The following LRIG1 variants were observed in gnomAD, a reference collection of about 807,000 sequenced individuals.
The protein encoded by LRIG1 is leucine rich repeats and immunoglobulin like domains 1, also known as leucine-rich repeats and immunoglobulin-like domains protein 1.
Under a neutral mutation model 99.2 loss-of-function variants are expected in LRIG1, and 48 were observed. That is an observed-to-expected ratio of 0.48 (90% CI 0.38 to 0.62). The LOEUF is 0.62. LRIG1 is among the 20% of genes least tolerant of loss of function. The pLI is 0.00. For missense variants in LRIG1, 1,646 were observed against 1,434.4 expected (o/e 1.15, Z -2.38); for synonymous variants, 772 against 596.1 (o/e 1.29, Z -4.30).
intron 3 of LRIG1, among the ~76,000 whole-genome samples, chr3:66,425,790 G>A (rs1252831834): frequency 6.6e-6 from 1 of 152,200 alleles, no homozygotes; most frequent in East Asian, 1.9e-4. Flanking sequence ...CTGGAGCGAG[G>A]AGAACTTAAT....
In LRIG1 at chr3:66,380,054, T is replaced by G. The variant is rs1344879057; in HGVS notation, c.*209A>C. ...AATCTCTGAAAACTCTTATGTACAA[T>G]GATATCAAATACTTTTTTTGCCTTT... On this transcript the variant is annotated 3_prime_UTR_variant, in exon 19 of 19. Coordinates refer to ENST00000273261, the MANE Select transcript of LRIG1 (RefSeq NM_015541.3). The G allele has an allele frequency of 8.2e-6, 4 of 486,612 alleles. No homozygotes were observed. The highest frequency in any genetic ancestry group is 1.5e-5 in the Non-Finnish European group (4 of 274,320). The allele number at this position is 486,612 out of a possible 1,614,324, so 30.1% of individuals were successfully genotyped here.
intron 1 of LRIG1, among the ~76,000 whole-genome samples, chr3:66,496,551 C>G (rs1484793156): frequency 1.3e-5 from 2 of 152,234 alleles, no homozygotes; most frequent in African/African-American, 4.8e-5. Context: ...CCCTGAAACT[C>G]TAAGAGCACT....
At chr3:66,405,555 A>G (rs900845272) in intron 8 of LRIG1, among the ~76,000 whole-genome samples, 5 of 152,224 alleles carry the variant, frequency 3.3e-5, no homozygotes, top group African/African-American at 9.6e-5. Flanking sequence ...GAGGTGGTGC[A>G]GACAGCCCAG....
intron 3 of LRIG1, among the ~76,000 whole-genome samples, chr3:66,428,810 C>T (rs943050602): frequency 6.6e-6 from 1 of 152,242 alleles, no homozygotes; most frequent in African/African-American, 2.4e-5. Flanking sequence ...ACAGCCCAGC[C>T]TGGGTTATTT....
At chr3:66,452,526 TG>T (rs929142373) in intron 2 of LRIG1, among the ~76,000 whole-genome samples, 1 of 152,172 alleles carries the variant, frequency 6.6e-6, no homozygotes, top group Admixed American at 6.5e-5. Context: ...TGCCAGGTGA[TG>T]GGCTAGAAAG....
chr3:66,398,717 G>C (rs371083017), intron 10 of LRIG1, among the ~76,000 whole-genome samples: 3 of 152,242 alleles, frequency 2.0e-5, no homozygotes, highest in South Asian at 2.1e-4. Flanking sequence ...CGCAGCAGGA[G>C]GGGGGAGGGT....
intron 5 of LRIG1, 64 bp downstream of exon 5, chr3:66,414,856 T>G: frequency 6.9e-7 from 1 of 1,454,166 alleles, no homozygotes; most frequent in Non-Finnish European, 9.2e-7. Context: ...ACGAGGTCCT[T>G]GGGGAAATCT....
At chr3:66,451,109 G>A (rs74914683) in intron 3 of LRIG1, among the ~76,000 whole-genome samples, 226 of 152,146 alleles carry the variant, frequency 1.5e-3, no homozygotes, top group Non-Finnish European at 2.0e-3. Flanking sequence ...ATAGTTTTAC[G>A]TTGATTCCAG....
intron 3 of LRIG1, among the ~76,000 whole-genome samples, chr3:66,432,168 A>C (rs1703193250): frequency 2.0e-5 from 3 of 152,232 alleles, no homozygotes. Context: ...CCAGTCCACC[A>C]GGCACAAAGG....
intron 3 of LRIG1, among the ~76,000 whole-genome samples, chr3:66,450,601 G>A (rs962451801): frequency 6.6e-5 from 10 of 152,150 alleles, no homozygotes; most frequent in East Asian, 3.9e-4. Context: ...CCAAAGATCC[G>A]AGATCTGTAA....
intron 11 of LRIG1, among the ~76,000 whole-genome samples, chr3:66,397,222 C>T (rs980977888): frequency 3.3e-5 from 5 of 152,214 alleles, no homozygotes; most frequent in Non-Finnish European, 7.3e-5. Flanking sequence ...GCTTCAGTTC[C>T]CAGCTATGGG....
rs779374908 is a variant in LRIG1 at position 66,500,396 on chromosome 3, C to A, written c.12G>T (p.Pro4=). The A allele has an allele frequency of 4.2e-6, 6 of 1,424,134 alleles. No homozygotes were observed. The highest frequency in any genetic ancestry group is 5.5e-6 in the Non-Finnish European group (6 of 1,097,010). The allele number at this position is 1,424,134 out of a possible 1,614,324, so 88.2% of individuals were successfully genotyped here. The change falls in exon 1 of 19, where the codon CCG becomes CCT. Residue 4 remains proline (P), a synonymous_variant. Transcript: ENST00000273261. MAR[P]VRGGLGAPRR... ...GCGGGGCCCCGAGCCCTCCCCGGAC[C>A]GGCCGCGCCATCTTGTCTGGAGCGC...
chr3:66,385,691 G>C (rs1441497743), intron 13 of LRIG1, among the ~76,000 whole-genome samples: 1 of 152,114 alleles, frequency 6.6e-6, no homozygotes, highest in African/African-American at 2.4e-5. Context: ...GGCTTCAAGT[G>C]ATCTGCCCAC....
At chr3:66,440,610 T>C (rs1311779701) in intron 3 of LRIG1, among the ~76,000 whole-genome samples, 2 of 152,126 alleles carry the variant, frequency 1.3e-5, no homozygotes, top group Non-Finnish European at 2.9e-5. Context: ...GGGTTCAGTG[T>C]AGACAGCAGC....
intron 3 of LRIG1, among the ~76,000 whole-genome samples, chr3:66,432,772 C>T (rs1421533282): frequency 6.6e-6 from 1 of 152,158 alleles, no homozygotes; most frequent in African/African-American, 2.4e-5. Context: ...GATAGCACCC[C>T]ATACCTCCCA....
chr3:66,381,000 C>G (rs2107915744), intron 17 of LRIG1, 139 bp from the exon 18 acceptor site: 2 of 789,296 alleles, frequency 2.5e-6, no homozygotes, highest in Non-Finnish European at 4.0e-6. Context: ...CCTCTTTTCC[C>G]CAACTATGTC....
Position 66,385,983 on chromosome 3 carries a change from T to A in LRIG1, c.1787A>T (p.Asn596Ile). 1 of 1,613,168 alleles carries A rather than the reference T, an allele frequency of 6.2e-7. No homozygotes were observed. Among genetic ancestry groups the A allele is most frequent in the Non-Finnish European group, 8.5e-7 (1 of 1,179,298 alleles). ...TAACAAAGATGGTGTTTCCATACCA[T>A]TCACGGTGAGCCTGGCCTTATGTGA... ...TYSHKARLTVNVLPSFTKTPH... is the reference protein window; with the variant it reads ...TYSHKARLTVIVLPSFTKTPH... The change falls in exon 13 of 19, where the codon AAT (asparagine) becomes ATT (isoleucine). Residue 596 changes from asparagine to isoleucine, a missense_variant and splice_region_variant. Coordinates refer to ENST00000273261, the MANE Select transcript of LRIG1 (RefSeq NM_015541.3).
intron 11 of LRIG1, 131 bp downstream of exon 11, chr3:66,397,979 ACT>A: frequency 1.5e-6 from 1 of 683,886 alleles, no homozygotes; most frequent in Non-Finnish European, 2.5e-6. Flanking sequence ...CATGACAGAG[ACT>A]CTGTGGCCCA....
chr3:66,479,263 A>G lies in LRIG1; in HGVS notation c.219-16754T>C, dbSNP rs150064745. ...CGGTCAGGCTCTTCCATAAATGCAT[A>G]TGCACAGCCAATTTCCTTAGGTTAC... On this transcript the variant is annotated intron_variant, in intron 1 of 18. Transcript: ENST00000273261. Among the ~76,000 whole-genome samples the G allele has an allele frequency of 8.1e-3, 1,230 of 152,346 alleles. 31 individuals are homozygous for G. The highest frequency in any genetic ancestry group is 0.028 in the African/African-American group (1,181 of 41,566).
Sources: allele counts gnomAD v4.1 joint callset (sites outside exome capture counted in the v4.1 genomes callset), GRCh38; gene constraint gnomAD v4.1.1; transcripts MANE v1.5; gene names NCBI Gene and HGNC (gene_info 2026-07-23, HGNC 2026-07-21).